Variants in OR2C1 observed in about 807,000 individuals in gnomAD.
OR2C1 encodes the protein olfactory receptor family 2 subfamily C member 1.
For missense variants in OR2C1, 468 were observed against 388.3 expected (o/e 1.21, Z -1.73); for synonymous variants, 209 against 167.3 (o/e 1.25, Z -1.92).
chr16:3,329,169 GACACACACACACAC>G, the OR2C1 span, among the ~76,000 whole-genome samples: 427 of 115,146 alleles, frequency 3.7e-3, 5 homozygotes, highest in African/African-American at 0.014. Context: ...TGGGAGGGAA[GACACACACACACAC>G]ACACACACAC....
the OR2C1 span, among the ~76,000 whole-genome samples, chr16:3,349,824 C>G: frequency 1.3e-5 from 2 of 151,674 alleles, no homozygotes; most frequent in African/African-American, 4.8e-5. Context: ...ATAGCTTGAA[C>G]CCAGGAGGCG....
At position 3,357,083 on chromosome 16, in the gene OR2C1, T is replaced by C. The variant is rs916710608; in HGVS notation, c.*204T>C. The stretch of plus-strand genomic sequence containing the variant: ...TACACTTATTTACCAAAAATCCTAC[T>C]GTGGACTACCGATAGCAGGGGAGAC... On this transcript the variant is annotated 3_prime_UTR_variant, in exon 1 of 1. Coordinates refer to ENST00000304936, the MANE Select transcript of OR2C1 (RefSeq NM_012368.3). The C allele has an allele frequency of 3.1e-5, 17 of 548,942 alleles. No individual in the cohort carries two copies. The highest frequency in any genetic ancestry group is 1.2e-4 in the South Asian group (5 of 40,920). The allele number at this position is 548,942 out of a possible 1,614,324, so 34.0% of individuals were successfully genotyped here. A position where few individuals can be genotyped will look rare whatever the true frequency, so the allele number is the denominator to read the frequency against.
the OR2C1 span, among the ~76,000 whole-genome samples, chr16:3,329,444 G>A: frequency 5.3e-5 from 8 of 151,992 alleles, no homozygotes; most frequent in African/African-American, 7.3e-5. Context: ...AAACATTACA[G>A]TAAATTATTA....
the OR2C1 span, among the ~76,000 whole-genome samples, chr16:3,339,844 T>C: frequency 6.6e-6 from 1 of 152,216 alleles, no homozygotes; most frequent in Non-Finnish European, 1.5e-5. Context: ...ATTATAGCCA[T>C]TTAATGATTG....
At chr16:3,341,287 T>C in the OR2C1 span, among the ~76,000 whole-genome samples, 21 of 152,266 alleles carry the variant, frequency 1.4e-4, no homozygotes, top group African/African-American at 4.6e-4. Context: ...AATTTTTCTA[T>C]GTTGCTCTTA....
the OR2C1 span, among the ~76,000 whole-genome samples, chr16:3,338,979 GAAATTCCTTATTTGTTAGGTAATTAA>G: frequency 6.6e-6 from 1 of 152,106 alleles, no homozygotes; most frequent in Non-Finnish European, 1.5e-5. Flanking sequence ...CACCCTGAAA[GAAATTCCTTATTTGTTAGGTAATTAA>G]CTCCCTGTTT....
At chr16:3,334,633 C>A in the OR2C1 span, among the ~76,000 whole-genome samples, 1 of 151,234 alleles carries the variant, frequency 6.6e-6, no homozygotes, top group African/African-American at 2.4e-5. Flanking sequence ...CCACGCCCAG[C>A]CTTCCCATTG....
the OR2C1 span, among the ~76,000 whole-genome samples, chr16:3,328,668 C>T: frequency 6.6e-6 from 1 of 152,150 alleles, no homozygotes; most frequent in Non-Finnish European, 1.5e-5. Flanking sequence ...TGTGCTCACC[C>T]TCCCTCTCCT....
the OR2C1 span, chr16:3,323,576 C>T: frequency 1.3e-6 from 1 of 751,772 alleles, no homozygotes; most frequent in Non-Finnish European, 2.4e-6. Flanking sequence ...AAAGACACCA[C>T]TAAAAATTTT....
downstream of OR2C1, among the ~76,000 whole-genome samples, chr16:3,357,717 C>G (rs187291397): frequency 3.3e-5 from 5 of 152,214 alleles, no homozygotes; most frequent in Non-Finnish European, 7.4e-5. Flanking sequence ...TGCAGTGGCT[C>G]ACACCTGTAA....
chr16:3,352,273 C>T (rs1022378886), upstream of OR2C1, among the ~76,000 whole-genome samples: 1 of 151,928 alleles, frequency 6.6e-6, no homozygotes, highest in African/African-American at 2.4e-5. Flanking sequence ...CCCACCACCA[C>T]GCCCGCCTAA....
rs765785682 is a variant in OR2C1, at chr16:3,356,246, T to C, written c.306T>C (p.Tyr102=). The C allele has an allele frequency of 7.4e-6, 12 of 1,614,022 alleles. No homozygotes were observed. In the South Asian group the frequency reaches 1.3e-4, roughly 18 times the overall value. Residue 102 remains tyrosine (Y), a synonymous_variant, in exon 1 of 1, where the codon TAT becomes TAC. Coordinates refer to ENST00000304936, the MANE Select transcript of OR2C1 (RefSeq NM_012368.3). Reference sequence around the variant, plus strand: ...ATGGTGGCTGCATAACCCAGCTCTATGTCTTCCTTTGGCTGGGGGCCACCG... The same window carrying C: ...ATGGTGGCTGCATAACCCAGCTCTACGTCTTCCTTTGGCTGGGGGCCACCG... ...ISYGGCITQL[Y]VFLWLGATEC...
rs1437032782 is a variant in OR2C1, at chr16:3,356,560, C to T, written c.620C>T (p.Thr207Ile). 2 of 1,614,100 alleles carry T rather than the reference C, an allele frequency of 1.2e-6. No individual in the cohort carries two copies. Among genetic ancestry groups the T allele is most frequent in the South Asian group, 1.1e-5 (1 of 91,094 alleles). ...AVLNGVCTFFTAVPLSIIVIS... is the reference protein window; with the variant it reads ...AVLNGVCTFFIAVPLSIIVIS... ...CTCAATGGTGTCTGCACCTTCTTCACTGCAGTCCCACTAAGCATCATCGTG... is the reference window on the plus strand; with the variant it reads ...CTCAATGGTGTCTGCACCTTCTTCATTGCAGTCCCACTAAGCATCATCGTG... The change falls in exon 1 of 1, where the codon ACT becomes ATT. Residue 207 changes from threonine (T) to isoleucine (I), a missense_variant. Thr to Ile is a moderately conservative substitution (Grantham distance 89, BLOSUM62 -1). Transcript: ENST00000304936.
chr16:3,330,231 C>T, the OR2C1 span, among the ~76,000 whole-genome samples: 29 of 151,714 alleles, frequency 1.9e-4, no homozygotes, highest in East Asian at 1.6e-3. Flanking sequence ...CTCAACCTCC[C>T]GAGTAGCTGG....
chr16:3,343,042 T>A, the OR2C1 span, among the ~76,000 whole-genome samples: 1 of 152,072 alleles, frequency 6.6e-6, no homozygotes, highest in Non-Finnish European at 1.5e-5. Context: ...AAATGACAAA[T>A]AAAATAGATG....
the OR2C1 span, among the ~76,000 whole-genome samples, chr16:3,328,051 G>A: frequency 2.6e-5 from 4 of 152,218 alleles, no homozygotes; most frequent in East Asian, 7.7e-4. Context: ...TTGTTATCAT[G>A]CTTCCTTGTA....
At chr16:3,330,238 C>A in the OR2C1 span, among the ~76,000 whole-genome samples, 1 of 152,014 alleles carries the variant, frequency 6.6e-6, no homozygotes, top group Non-Finnish European at 1.5e-5. Context: ...TCCCGAGTAG[C>A]TGGGACTATA....
the OR2C1 span, among the ~76,000 whole-genome samples, chr16:3,333,985 G>C: frequency 1.3e-5 from 2 of 150,440 alleles, no homozygotes; most frequent in Admixed American, 6.6e-5. Flanking sequence ...TTTTTGGGGT[G>C]GTGGGGGGAC....
chr16:3,357,018 T>G lies in OR2C1; in HGVS notation c.*139T>G, dbSNP rs112698908. 0.012 allele frequency: 8,970 copies of G among 726,424 alleles called. 273 individuals carry two copies. The highest frequency in any genetic ancestry group is 0.092 in the African/African-American group (5,174 of 56,104). 45.0% of individuals were successfully genotyped at this position (726,424 alleles called of 1,614,324 possible). On this transcript the variant is annotated 3_prime_UTR_variant, in exon 1 of 1. Transcript: ENST00000304936. ...CCTGACAGCCCTAAGCTGACAGCCC[T>G]AAGCTGTTGGGAACATGGTTAGTGT...
Sources: gnomAD v4.1 joint callset for allele counts (sites outside exome capture counted in the v4.1 genomes callset) on GRCh38, gnomAD v4.1.1 for gene constraint, MANE v1.5 for transcripts, NCBI Gene and HGNC (gene_info 2026-07-23, HGNC 2026-07-21) for gene names.